Variants in MAD1L1 observed in about 807,000 individuals in gnomAD.
MAD1L1 encodes mitotic spindle assembly checkpoint protein MAD1.
In MAD1L1, 95 loss-of-function variants were observed where a neutral mutation model predicts 96.9. The observed-to-expected ratio is 0.98, with a 90% CI of 0.83 to 1.16. MAD1L1 has a LOEUF of 1.16. MAD1L1 is among the 50% of genes most tolerant of loss of function. The probability of loss-of-function intolerance (pLI) is 0.00; values close to 1 mark genes in which losing one functional copy is unlikely to be tolerated. For synonymous variants in MAD1L1, 473 were observed against 396.6 expected (o/e 1.19, Z -2.29); for missense variants, 1,007 against 954.4 (o/e 1.06, Z -0.73).
At chr7:1,879,793 C>T (rs370229178) in intron 18 of MAD1L1, among the ~76,000 whole-genome samples, 269 of 152,242 alleles carry the variant, frequency 1.8e-3, no homozygotes, top group African/African-American at 5.8e-3. Flanking sequence ...TGCAGTGGCG[C>T]GATCTCGGCT....
At chr7:1,838,750 G>A (rs1183485107) in intron 18 of MAD1L1, 3 of 471,174 alleles carry the variant, frequency 6.4e-6, no homozygotes, top group Middle Eastern at 3.2e-4. Flanking sequence ...GATGATGGCT[G>A]CACGCTCTGT....
At chr7:2,181,528 C>A (rs1344814408) in intron 10 of MAD1L1, among the ~76,000 whole-genome samples, 1 of 152,152 alleles carries the variant, frequency 6.6e-6, no homozygotes. Context: ...ATTTAAAAGT[C>A]AAAAAATAAC....
At chr7:1,826,930 C>T (rs1782423960) in intron 18 of MAD1L1, among the ~76,000 whole-genome samples, 1 of 152,136 alleles carries the variant, frequency 6.6e-6, no homozygotes, top group African/African-American at 2.4e-5. Context: ...GCCAGGCACC[C>T]CAGCAGTCGC....
chr7:2,003,003 T>C (rs934484420), intron 13 of MAD1L1, among the ~76,000 whole-genome samples: 8 of 2,920 alleles, frequency 2.7e-3, no homozygotes, highest in Non-Finnish European at 6.4e-3. Context: ...TCCTAGAACC[T>C]GGGAGGAAGG....
At chr7:1,920,217 C>T (rs1446109515) in intron 17 of MAD1L1, among the ~76,000 whole-genome samples, 1 of 152,234 alleles carries the variant, frequency 6.6e-6, no homozygotes, top group Non-Finnish European at 1.5e-5. Context: ...AGCCAACTCC[C>T]TGTAACAAGC....
At chr7:1,962,049 C>T (rs1779975284) in intron 15 of MAD1L1, among the ~76,000 whole-genome samples, 1 of 151,884 alleles carries the variant, frequency 6.6e-6, no homozygotes, top group African/African-American at 2.4e-5. Context: ...GCGGTTTCCC[C>T]CATACCGTTC....
chr7:2,146,255 G>A lies in MAD1L1; in HGVS notation c.1073+2897C>T, dbSNP rs1250771995. Among the ~76,000 whole-genome samples the A allele has an allele frequency of 1.3e-5, 2 of 150,112 alleles. No homozygotes were observed. The highest frequency in any genetic ancestry group is 2.1e-4 in the South Asian group (1 of 4,796). On this transcript the variant is annotated intron_variant, in intron 11 of 18. Coordinates refer to ENST00000265854, the MANE Select transcript of MAD1L1 (RefSeq NM_001013836.2). The surrounding 1 kb of genome is among the most constrained non-coding windows in gnomAD (Gnocchi z 6.2). The stretch of plus-strand genomic sequence containing the variant: ...AGCACCGCCTGGAAGAGGGAGCACC[G>A]GGCACTGGGCTACGAGGAACAGGGT...
chr7:2,002,619 C>T (rs971291192), intron 13 of MAD1L1, among the ~76,000 whole-genome samples: 13 of 152,192 alleles, frequency 8.5e-5, no homozygotes, highest in East Asian at 5.8e-4. Context: ...AGCAGGACCC[C>T]GACCCAGGCA....
rs76263749 is a variant in MAD1L1, at chr7:2,208,497, C to T, written c.986+4715G>A. On this transcript the variant is annotated intron_variant, in intron 10 of 18. Transcript: ENST00000265854. Reference sequence around the variant, plus strand: ...TGGTCTCCATGTCAGGGATGCAGTCCGTCCACCTTGTATTATATCAGCTGG... The same window carrying T: ...TGGTCTCCATGTCAGGGATGCAGTCTGTCCACCTTGTATTATATCAGCTGG... Among the ~76,000 whole-genome samples, 728 of 152,254 alleles carry T rather than the reference C, an allele frequency of 4.8e-3. 9 individuals carry two copies. Among genetic ancestry groups the T allele is most frequent in the African/African-American group, 0.016 (673 of 41,536 alleles).
At chr7:2,141,945 A>G (rs1789055113) in intron 11 of MAD1L1, among the ~76,000 whole-genome samples, 1 of 152,196 alleles carries the variant, frequency 6.6e-6, no homozygotes, top group African/African-American at 2.4e-5. Flanking sequence ...CAGCCAGGCC[A>G]GGGTCGCCGG....
intron 10 of MAD1L1, among the ~76,000 whole-genome samples, chr7:2,186,446 T>C (rs1791463683): frequency 6.6e-6 from 1 of 152,250 alleles, no homozygotes; most frequent in Admixed American, 6.5e-5. Flanking sequence ...TATGATGCCA[T>C]TTGTTATGTA....
chr7:1,931,346 G>A (rs936974423), intron 17 of MAD1L1, among the ~76,000 whole-genome samples: 8 of 152,240 alleles, frequency 5.3e-5, no homozygotes, highest in Admixed American at 5.2e-4. Flanking sequence ...GAATGGGGAG[G>A]GGACAGCCCT....
At chr7:2,218,158 G>C (rs1793394294) in intron 6 of MAD1L1, 115 bp from the exon 7 acceptor site, 2 of 766,466 alleles carry the variant, frequency 2.6e-6, no homozygotes, top group Non-Finnish European at 4.5e-6. Flanking sequence ...CCCACCCCAA[G>C]GTTCAGGACC....
At chr7:1,851,425 A>T (rs901301831) in intron 18 of MAD1L1, among the ~76,000 whole-genome samples, 1 of 152,182 alleles carries the variant, frequency 6.6e-6, no homozygotes, top group African/African-American at 2.4e-5. Context: ...TCAGACCTCG[A>T]ACGTGCCATC....
intron 5 of MAD1L1, among the ~76,000 whole-genome samples, chr7:2,221,718 C>T (rs1418253566): frequency 6.6e-6 from 1 of 152,184 alleles, no homozygotes; most frequent in Non-Finnish European, 1.5e-5. Flanking sequence ...CATCAGATGC[C>T]TGTAGACCTT....
At chr7:2,160,962 T>C (rs73287681) in intron 10 of MAD1L1, among the ~76,000 whole-genome samples, 2,680 of 152,262 alleles carry the variant, frequency 0.018, 82 homozygotes, top group African/African-American at 0.061. Flanking sequence ...AATCTAATTA[T>C]AAACATTTGT....
At chr7:1,854,939 G>A (rs932929380) in intron 18 of MAD1L1, among the ~76,000 whole-genome samples, 2 of 152,238 alleles carry the variant, frequency 1.3e-5, no homozygotes, top group African/African-American at 2.4e-5. Context: ...GAGAGCTGCC[G>A]CTGTGGCTCC....
At chr7:2,165,931 G>T (rs1414355351) in intron 10 of MAD1L1, among the ~76,000 whole-genome samples, 2 of 152,310 alleles carry the variant, frequency 1.3e-5, no homozygotes, top group East Asian at 1.9e-4. Flanking sequence ...CCTGTGCCTG[G>T]AACTCCAGTG....
chr7:2,199,944 C>A (rs1792195261), intron 10 of MAD1L1, among the ~76,000 whole-genome samples: 1 of 152,254 alleles, frequency 6.6e-6, no homozygotes, highest in Admixed American at 6.5e-5. Flanking sequence ...TGGGAGAGCC[C>A]CCTGCAGTCA....
Sources: gnomAD v4.1 joint callset for allele counts (sites outside exome capture counted in the v4.1 genomes callset) on GRCh38, gnomAD v4.1.1 for gene constraint, Gnocchi (gnomAD v3.1) non-coding constraint, MANE v1.5 for transcripts, NCBI Gene and HGNC (gene_info 2026-07-23, HGNC 2026-07-21) for gene names.